Variants in ASIC2 observed in about 807,000 individuals in gnomAD.
ASIC2 encodes acid sensing ion channel subunit 2.
A neutral mutation model predicts 57.3 loss-of-function variants in ASIC2; 25 were observed. That is an observed-to-expected ratio of 0.44 (90% CI 0.32 to 0.61). The LOEUF is 0.61. ASIC2 is among the 20% of genes least tolerant of loss of function. ASIC2 has a pLI of 0.06. For synonymous variants in ASIC2, 319 were observed against 307.5 expected, an observed-to-expected ratio of 1.04 and a Z score of -0.39; for missense variants, 641 against 738.1, an observed-to-expected ratio of 0.87 and a Z score of 1.52.
chr17:33,789,180 C>A (rs1380164991), intron 1 of ASIC2, among the ~76,000 whole-genome samples: 2 of 152,156 alleles, frequency 1.3e-5, no homozygotes, highest in Non-Finnish European at 2.9e-5. Context: ...GCTTCCTGTA[C>A]AGCCTGTGGA....
intron 1 of ASIC2, among the ~76,000 whole-genome samples, chr17:33,450,038 G>A (rs1040252713): frequency 2.0e-5 from 3 of 152,152 alleles, no homozygotes; most frequent in Non-Finnish European, 4.4e-5. Flanking sequence ...AAACTGCTGG[G>A]ATTACAGGCG....
At chr17:34,154,505 G>C (rs1904639845) in intron 1 of ASIC2, among the ~76,000 whole-genome samples, 1 of 152,158 alleles carries the variant, frequency 6.6e-6, no homozygotes, top group African/African-American at 2.4e-5. Context: ...CTAGCACACA[G>C]ACTGCGAGAG....
intron 1 of ASIC2, among the ~76,000 whole-genome samples, chr17:33,869,050 G>T (rs117519689): frequency 0.015 from 2,274 of 152,292 alleles, 27 homozygotes; most frequent in Middle Eastern, 0.037. Flanking sequence ...GGGCAACAGA[G>T]TGAGACTCTG....
chr17:33,813,225 C>G (rs1188973591), intron 1 of ASIC2, among the ~76,000 whole-genome samples: 1 of 151,988 alleles, frequency 6.6e-6, no homozygotes, highest in African/African-American at 2.4e-5. Context: ...AGCAAAGAGC[C>G]CAGACTAGGG....
At chr17:33,625,129 G>GTCTA (rs199907150) in intron 1 of ASIC2, among the ~76,000 whole-genome samples, 8,470 of 146,344 alleles carry the variant, frequency 0.058, 248 homozygotes, top group African/African-American at 0.085. Context: ...TGGCCTCTCT[G>GTCTA]TCTATCTATC....
At chr17:33,937,032 G>A (rs1441789081) in intron 1 of ASIC2, among the ~76,000 whole-genome samples, 1 of 152,226 alleles carries the variant, frequency 6.6e-6, no homozygotes, top group East Asian at 1.9e-4. Flanking sequence ...CCCTTCCTCA[G>A]TGACTCTGGG....
Position 33,893,710 on chromosome 17 carries a change from T to A in ASIC2, c.555+262268A>T, listed in dbSNP as rs181266365. ...TTAATTTAAGGCTGTGTTCTTGGGATCCTGGAAACTTAGTCCATAATCCTT... is the reference window on the plus strand; with the variant it reads ...TTAATTTAAGGCTGTGTTCTTGGGAACCTGGAAACTTAGTCCATAATCCTT... On this transcript the variant is annotated intron_variant, in intron 1 of 9. Transcript: ENST00000359872. Among the ~76,000 whole-genome samples, 4 of 152,332 alleles carry A rather than the reference T, an allele frequency of 2.6e-5. No individual in the cohort carries two copies. In the East Asian group the frequency reaches 7.7e-4, roughly 29 times the overall value.
intron 3 of ASIC2, among the ~76,000 whole-genome samples, chr17:33,087,548 T>C (rs1169293824): frequency 6.6e-6 from 1 of 150,416 alleles, no homozygotes; most frequent in African/African-American, 2.5e-5. Flanking sequence ...AAAAACAATA[T>C]AGCTCACGTA....
chr17:33,855,579 G>GA (rs1913900587), intron 1 of ASIC2, among the ~76,000 whole-genome samples: 1 of 152,186 alleles, frequency 6.6e-6, no homozygotes, highest in African/African-American at 2.4e-5. Context: ...TAGATGGAGT[G>GA]AAAAATCTCA....
intron 1 of ASIC2, among the ~76,000 whole-genome samples, chr17:33,831,141 A>T (rs893790566): frequency 8.3e-6 from 1 of 120,308 alleles, no homozygotes; most frequent in Admixed American, 8.7e-5. Flanking sequence ...AAAAAAAAAA[A>T]AGCAAGTCCT....
intron 1 of ASIC2, among the ~76,000 whole-genome samples, chr17:33,525,750 C>G (rs1280738056): frequency 2.0e-5 from 3 of 152,218 alleles, no homozygotes; most frequent in Non-Finnish European, 2.9e-5. Context: ...GCTTTTCTTA[C>G]TGAGCTTGAA....
At chr17:33,440,709 A>T (rs1417276567) in intron 1 of ASIC2, among the ~76,000 whole-genome samples, 2 of 152,230 alleles carry the variant, frequency 1.3e-5, no homozygotes, top group African/African-American at 4.8e-5. Context: ...TTCCCTAATG[A>T]CTAATGATGT....
At chr17:33,213,807 G>A (rs566540854) in intron 1 of ASIC2, among the ~76,000 whole-genome samples, 30 of 152,218 alleles carry the variant, frequency 2.0e-4, no homozygotes, top group Non-Finnish European at 3.1e-4. Context: ...GAAGGTTGAC[G>A]CAAGGTTTAA....
intron 1 of ASIC2, among the ~76,000 whole-genome samples, chr17:33,388,209 A>T (rs1300204868): frequency 2.6e-5 from 4 of 152,274 alleles, no homozygotes; most frequent in African/African-American, 9.6e-5. Flanking sequence ...AAGAAATGCC[A>T]GCAGCCAGCA....
intron 1 of ASIC2, among the ~76,000 whole-genome samples, chr17:34,024,364 G>C (rs1280518814): frequency 6.6e-6 from 1 of 152,216 alleles, no homozygotes; most frequent in Admixed American, 6.5e-5. Flanking sequence ...GTGGATCTTG[G>C]AGAATCCCTC....
At chr17:33,403,484 AGACT>A (rs1910356466) in intron 1 of ASIC2, among the ~76,000 whole-genome samples, 1 of 152,232 alleles carries the variant, frequency 6.6e-6, no homozygotes, top group African/African-American at 2.4e-5. Flanking sequence ...AGTTAAATTA[AGACT>A]GTCTATCTTA....
chr17:33,862,149 G>A (rs1914118188), intron 1 of ASIC2, among the ~76,000 whole-genome samples: 1 of 152,182 alleles, frequency 6.6e-6, no homozygotes, highest in Admixed American at 6.5e-5. Context: ...ATCCTTCAAT[G>A]TCCAGCTAAC....
chr17:33,955,895 A>G (rs538041867), intron 1 of ASIC2, among the ~76,000 whole-genome samples: 2 of 152,296 alleles, frequency 1.3e-5, no homozygotes, highest in East Asian at 3.9e-4. Flanking sequence ...ATACCTGGTT[A>G]ATGAATTTAC....
chr17:33,545,471 G>C (rs779366163), intron 1 of ASIC2, among the ~76,000 whole-genome samples: 2 of 152,052 alleles, frequency 1.3e-5, no homozygotes, highest in Non-Finnish European at 2.9e-5. Flanking sequence ...TACCCGAGAC[G>C]CGGATTTCTA....
Sources: allele counts gnomAD v4.1 joint callset (sites outside exome capture counted in the v4.1 genomes callset), GRCh38; gene constraint gnomAD v4.1.1; transcripts MANE v1.5; gene names NCBI Gene and HGNC (gene_info 2026-07-23, HGNC 2026-07-21).